The following COL4A6 variants were observed in gnomAD, a reference collection of about 807,000 sequenced individuals.
The protein encoded by COL4A6 is collagen alpha-6(IV) chain.
In COL4A6, 59 loss-of-function variants were observed where a neutral mutation model predicts 126.7. The ratio of observed to expected loss-of-function variants is 0.47; its 90% CI spans 0.38 to 0.58. The LOEUF (loss-of-function observed/expected upper bound fraction) is 0.58. Ranked by LOEUF, COL4A6 falls within the 20% of genes least tolerant of loss-of-function variation. The pLI is 0.00. For synonymous variants in COL4A6, 547 were observed against 496.6 expected (o/e 1.10, Z -1.35); for missense variants, 1,285 against 1,337.3 (o/e 0.96, Z 0.61).
At chrX:108,282,479 T>C (rs1004711277) in intron 3 of COL4A6, among the ~76,000 whole-genome samples, 2 of 110,955 alleles carry the variant, frequency 1.8e-5, no homozygotes, top group African/African-American at 3.3e-5. Context: ...ATGGCAATCA[T>C]TAAAAAGTCA....
intron 1 of COL4A6, 35 bp downstream of exon 1, chrX:108,438,151 A>G: frequency 2.5e-6 from 3 of 1,209,962 alleles, no homozygotes; most frequent in Non-Finnish European, 3.4e-6. Context: ...CCGAAGTAAG[A>G]AAGAGGAGGG....
At chrX:108,421,809 C>T (rs966151843) in intron 2 of COL4A6, among the ~76,000 whole-genome samples, 1 of 111,376 alleles carries the variant, frequency 9.0e-6, no homozygotes, top group Non-Finnish European at 1.9e-5. Context: ...ATGGTGGAGG[C>T]GGGGCCATGG....
At chrX:108,286,175 T>C (rs1377530248) in intron 3 of COL4A6, among the ~76,000 whole-genome samples, 1 of 112,082 alleles carries the variant, frequency 8.9e-6, no homozygotes, top group Non-Finnish European at 1.9e-5. Flanking sequence ...ATTTGGAAAA[T>C]GAAGCAACTC....
chrX:108,188,769 C>T (rs2034950847), intron 20 of COL4A6, 92 bp from the exon 21 acceptor site: 1 of 870,132 alleles, frequency 1.1e-6, no homozygotes, highest in African/African-American at 2.1e-5. Flanking sequence ...TTGAACAACT[C>T]CATAGAGGGA....
intron 44 of COL4A6, among the ~76,000 whole-genome samples, chrX:108,158,402 T>C (rs1344939398): frequency 8.9e-6 from 1 of 112,673 alleles, no homozygotes; most frequent in Non-Finnish European, 1.9e-5. Flanking sequence ...AATATTCTAG[T>C]ATGTTAGAAT....
intron 3 of COL4A6, among the ~76,000 whole-genome samples, chrX:108,300,564 C>A (rs775629295): frequency 5.3e-4 from 59 of 110,959 alleles, no homozygotes; most frequent in Non-Finnish European, 9.6e-4. Flanking sequence ...CCTGGATAAC[C>A]CTCACCAAAT....
At chrX:108,343,165 A>ATATAGTGTGTGTGT (rs1377817612) in intron 2 of COL4A6, among the ~76,000 whole-genome samples, 56 of 31,378 alleles carry the variant, frequency 1.8e-3, no homozygotes, top group African/African-American at 5.0e-3. Flanking sequence ...ATATATATAT[A>ATATAGTGTGTGTGT]GTGTGTGTGT....
At chrX:108,232,304 A>ATGGGATTTTAATAATTTAATGG (rs2036329738) in intron 3 of COL4A6, among the ~76,000 whole-genome samples, 1 of 111,949 alleles carries the variant, frequency 8.9e-6, no homozygotes, top group African/African-American at 3.2e-5. Context: ...GGGAATTGCA[A>ATGGGATTTTAATAATTTAATGG]GAATAAAAAA....
intron 2 of COL4A6, among the ~76,000 whole-genome samples, chrX:108,343,165 A>ATATATATATAGTGTGTGTGTGTGT (rs1377817612): frequency 3.2e-5 from 1 of 31,414 alleles, no homozygotes; most frequent in African/African-American, 9.1e-5. Flanking sequence ...ATATATATAT[A>ATATATATATAGTGTGTGTGTGTGT]GTGTGTGTGT....
chrX:108,229,871 T>C (rs1307052831), intron 3 of COL4A6, among the ~76,000 whole-genome samples: 1 of 111,652 alleles, frequency 9.0e-6, no homozygotes, highest in Non-Finnish European at 1.9e-5. Flanking sequence ...AGAGAAATAA[T>C]GGTGACATGG....
upstream of COL4A6, chrX:108,438,436 A>G (rs1401530290): frequency 2.0e-6 from 2 of 1,003,102 alleles, no homozygotes; most frequent in Admixed American, 1.0e-4. Flanking sequence ...TCCATGCAGC[A>G]GGAGAGGAAA....
At chrX:108,294,686 T>C (rs2345395) in intron 3 of COL4A6, among the ~76,000 whole-genome samples, 41,112 of 110,390 alleles carry the variant, frequency 0.37, 7,099 homozygotes, top group East Asian at 0.87. Flanking sequence ...CCACCACTTA[T>C]GTGCTATGGG....
At chrX:108,420,209 A>G (rs770792478) in intron 2 of COL4A6, among the ~76,000 whole-genome samples, 45 of 111,718 alleles carry the variant, frequency 4.0e-4, no homozygotes, top group Middle Eastern at 4.6e-3. Flanking sequence ...ATGGTGTATG[A>G]GAAAAAAGTG....
intron 2 of COL4A6, among the ~76,000 whole-genome samples, chrX:108,421,537 G>A (rs2063981898): frequency 8.9e-6 from 1 of 112,265 alleles, no homozygotes; most frequent in African/African-American, 3.2e-5. Flanking sequence ...GAACTGGTTA[G>A]ATAGAAAGCT....
intron 2 of COL4A6, among the ~76,000 whole-genome samples, chrX:108,311,585 C>T (rs1318380239): frequency 9.0e-6 from 1 of 111,500 alleles, no homozygotes; most frequent in African/African-American, 3.3e-5. Context: ...CTGTTCCTGC[C>T]TCAGGGCCTC....
chrX:108,422,656 C>T (rs1186426148), intron 2 of COL4A6, among the ~76,000 whole-genome samples: 1 of 111,579 alleles, frequency 9.0e-6, no homozygotes, highest in Non-Finnish European at 1.9e-5. Flanking sequence ...AAATCTTCTC[C>T]CTGCTGACTT....
chrX:108,417,414 T>C (rs1374048971), intron 2 of COL4A6, among the ~76,000 whole-genome samples: 1 of 112,198 alleles, frequency 8.9e-6, no homozygotes, highest in Non-Finnish European at 1.9e-5. Flanking sequence ...GTAGTATTAG[T>C]AGTAGCAGTA....
At chrX:108,334,202 A>G (rs2039377455) in intron 2 of COL4A6, among the ~76,000 whole-genome samples, 1 of 111,632 alleles carries the variant, frequency 9.0e-6, no homozygotes, top group African/African-American at 3.3e-5. Flanking sequence ...TATCTTTACA[A>G]TAACACCTAG....
At chrX:108,205,025 G>GA (rs1240317047) in intron 11 of COL4A6, among the ~76,000 whole-genome samples, 1 of 109,323 alleles carries the variant, frequency 9.1e-6, no homozygotes, top group Admixed American at 9.8e-5. Flanking sequence ...GGACAAAAAG[G>GA]AAAAGGAGGA....
Sources: allele counts gnomAD v4.1 joint callset (sites outside exome capture counted in the v4.1 genomes callset), GRCh38; gene constraint gnomAD v4.1.1; transcripts MANE v1.5; gene names NCBI Gene and HGNC (gene_info 2026-07-23, HGNC 2026-07-21).